ELOVL6: variants seen among roughly 807,000 people sequenced by gnomAD.
The protein encoded by ELOVL6 is very long chain fatty acid elongase 6.
In ELOVL6, 8 loss-of-function variants were observed where a neutral mutation model predicts 31.7. The ratio of observed to expected loss-of-function variants is 0.25; its 90% confidence interval spans 0.15 to 0.45. The LOEUF is 0.45. Among genes scored for constraint, ELOVL6 ranks in the 20% least tolerant of loss-of-function variants. ELOVL6 has a pLI of 1.00. For missense variants in ELOVL6, 126 were observed against 326.4 expected (o/e 0.39, Z 4.73); for synonymous variants, 101 against 117.7 (o/e 0.86, Z 0.92).
chr4:110,198,077 C>A (rs1346725753), intron 1 of ELOVL6, 170 bp downstream of exon 1: 1 of 19,786 alleles, frequency 5.1e-5, no homozygotes, highest in Non-Finnish European at 1.2e-4. Context: ...TTCATGTACC[C>A]CCCCCCCCCC....
intron 1 of ELOVL6, among the ~76,000 whole-genome samples, chr4:110,138,968 T>C (rs1396380233): frequency 1.3e-5 from 2 of 152,162 alleles, no homozygotes; most frequent in Non-Finnish European, 2.9e-5. Context: ...GGTATTGATA[T>C]AGATACATCA....
chr4:110,184,332 A>T (rs1231120528), intron 1 of ELOVL6, among the ~76,000 whole-genome samples: 1 of 152,226 alleles, frequency 6.6e-6, no homozygotes, highest in Non-Finnish European at 1.5e-5. Context: ...TGTGGTAAGC[A>T]CTGATTTCAG....
chr4:110,098,257 G>T (rs533071716), intron 2 of ELOVL6, among the ~76,000 whole-genome samples: 1 of 151,826 alleles, frequency 6.6e-6, no homozygotes, highest in Non-Finnish European at 1.5e-5. Flanking sequence ...TCATTATTGG[G>T]TGGGATAGGT....
At chr4:110,193,057 T>C (rs1759669550) in intron 1 of ELOVL6, among the ~76,000 whole-genome samples, 1 of 152,140 alleles carries the variant, frequency 6.6e-6, no homozygotes, top group South Asian at 2.1e-4. Context: ...CAAATGAATG[T>C]AGAAGGTTGC....
At chr4:110,141,122 GGCACGATCTCAGCTCACCGCAACCTCT>G (rs1379040418) in intron 1 of ELOVL6, among the ~76,000 whole-genome samples, 1 of 152,062 alleles carries the variant, frequency 6.6e-6, no homozygotes, top group Non-Finnish European at 1.5e-5. Flanking sequence ...GGAGTGCAAT[GGCACGATCTCAGCTCACCGCAACCTCT>G]GCCTCCCGGG....
chr4:110,154,970 C>A lies in ELOVL6; in HGVS notation c.89+43277G>T, dbSNP rs987580413. On this transcript the variant is annotated intron_variant, in intron 1 of 3. Coordinates refer to ENST00000302274, the MANE Select transcript of ELOVL6 (RefSeq NM_024090.3). Reference sequence around the variant, plus strand: ...TTATCAATCCTGTGACTGATTCTTGCAGCATTATTTGAGAATTAAATGAGC... The same window carrying A: ...TTATCAATCCTGTGACTGATTCTTGAAGCATTATTTGAGAATTAAATGAGC... Among the ~76,000 whole-genome samples, 9 of 152,156 alleles carry A rather than the reference C, an allele frequency of 5.9e-5. No homozygotes were observed. In the South Asian group the frequency reaches 1.7e-3, roughly 28 times the overall value.
chr4:110,198,694 C>A (rs1759898764), upstream of ELOVL6: 2 of 206,492 alleles, frequency 9.7e-6, no homozygotes, highest in East Asian at 2.5e-4. Flanking sequence ...AGAAATTAAC[C>A]CTTGGCGAGG....
chr4:110,071,834 TG>T (rs1755493001), intron 2 of ELOVL6, among the ~76,000 whole-genome samples: 1 of 152,208 alleles, frequency 6.6e-6, no homozygotes, highest in African/African-American at 2.4e-5. Flanking sequence ...CATCTTTCGT[TG>T]ATAAATATAT....
At chr4:110,123,128 G>T (rs1757399518) in intron 1 of ELOVL6, among the ~76,000 whole-genome samples, 1 of 152,212 alleles carries the variant, frequency 6.6e-6, no homozygotes, top group East Asian at 1.9e-4. Flanking sequence ...TGGTTTATTT[G>T]ATTTTTTAAA....
At chr4:110,129,450 T>C (rs1056278174) in intron 1 of ELOVL6, among the ~76,000 whole-genome samples, 4 of 152,228 alleles carry the variant, frequency 2.6e-5, no homozygotes, top group Non-Finnish European at 4.4e-5. Context: ...GGATCAATTG[T>C]GAGGCTAAGT....
chr4:110,121,635 G>C (rs1474806317), intron 1 of ELOVL6, among the ~76,000 whole-genome samples: 1 of 152,064 alleles, frequency 6.6e-6, no homozygotes, highest in Non-Finnish European at 1.5e-5. Context: ...GGAGGCGGAG[G>C]TTGCAGTGAG....
intron 2 of ELOVL6, among the ~76,000 whole-genome samples, chr4:110,097,395 G>A (rs1047263248): frequency 6.6e-6 from 1 of 151,576 alleles, no homozygotes; most frequent in Non-Finnish European, 1.5e-5. Context: ...ATGTTAGCAG[G>A]GTGTCCTTCA....
chr4:110,129,406 C>T (rs370884483), intron 1 of ELOVL6, among the ~76,000 whole-genome samples: 2 of 152,138 alleles, frequency 1.3e-5, no homozygotes, highest in East Asian at 3.8e-4. Context: ...CCCCACAAGA[C>T]GTTCTTTGAT....
At chr4:110,063,290 C>T (rs1363782748) in intron 2 of ELOVL6, among the ~76,000 whole-genome samples, 3 of 152,250 alleles carry the variant, frequency 2.0e-5, no homozygotes, top group Non-Finnish European at 2.9e-5. Context: ...CTGTCATTCT[C>T]GAAGTACTTC....
chr4:110,082,363 G>C (rs1755887798), intron 2 of ELOVL6, among the ~76,000 whole-genome samples: 1 of 151,830 alleles, frequency 6.6e-6, no homozygotes. Flanking sequence ...AACAATGATA[G>C]ACTGGATTAA....
intron 1 of ELOVL6, among the ~76,000 whole-genome samples, chr4:110,128,918 A>C (rs922827545): frequency 5.9e-5 from 9 of 152,334 alleles, no homozygotes; most frequent in African/African-American, 1.9e-4. Flanking sequence ...GATACAAGAA[A>C]GGCTGGACTG....
At chr4:110,137,738 A>G (rs1016042086) in intron 1 of ELOVL6, among the ~76,000 whole-genome samples, 6 of 152,184 alleles carry the variant, frequency 3.9e-5, no homozygotes, top group African/African-American at 9.7e-5. Context: ...AAATTCCTCA[A>G]CAACACACTC....
intron 2 of ELOVL6, among the ~76,000 whole-genome samples, chr4:110,068,897 C>A (rs1490976473): frequency 1.3e-5 from 2 of 152,174 alleles, no homozygotes; most frequent in Non-Finnish European, 1.5e-5. Flanking sequence ...AATCCCAACA[C>A]TTTGGAAGAC....
rs1431430500 is a variant in ELOVL6 at position 110,084,134 on chromosome 4, AATGATATAT to A, written c.221+21354_221+21362del. On this transcript the variant is annotated intron_variant, in intron 2 of 3. Coordinates refer to ENST00000302274, the MANE Select transcript of ELOVL6 (RefSeq NM_024090.3). ...ATGATATATATAACATATATGTGATAATGATATATATGATATATATAACATATATGTGAT... is the reference window on the plus strand; with the variant it reads ...ATGATATATATAACATATATGTGATAATGATATATATAACATATATGTGAT... Among the ~76,000 whole-genome samples the A allele has an allele frequency of 3.2e-3, 149 of 45,946 alleles. 17 individuals carry two copies. Among genetic ancestry groups the A allele is most frequent in the African/African-American group, 0.025 (135 of 5,428 alleles). The allele number at this position is 45,946 out of a possible 152,430, so 30.1% of individuals were successfully genotyped here.
Sources: gnomAD v4.1 joint callset for allele counts (sites outside exome capture counted in the v4.1 genomes callset) on GRCh38, gnomAD v4.1.1 for gene constraint, MANE v1.5 for transcripts, NCBI Gene and HGNC (gene_info 2026-07-23, HGNC 2026-07-21) for gene names.